CADPS2: variants seen among roughly 807,000 people sequenced by gnomAD.
The protein encoded by CADPS2 is calcium dependent secretion activator 2.
Under a neutral mutation model 172.5 loss-of-function variants are expected in CADPS2, and 93 were observed. That is an observed-to-expected ratio of 0.54 (90% CI 0.46 to 0.64). The LOEUF is 0.64. Among genes scored for constraint, CADPS2 ranks in the 30% least tolerant of loss-of-function variants. The pLI, the probability that CADPS2 is intolerant of heterozygous loss-of-function variation, is 0.00. For synonymous variants in CADPS2, 546 were observed against 555.2 expected (o/e 0.98, Z 0.23); for missense variants, 1,420 against 1,565.9 (o/e 0.91, Z 1.57).
rs1020118500 is a variant in CADPS2 at position 122,561,685 on chromosome 7, CA to C, written c.1336-6997del. 2.6e-5 allele frequency among the ~76,000 whole-genome samples: 4 copies of C among 152,170 alleles called. No homozygotes were observed. In the South Asian group the frequency reaches 8.3e-4, roughly 32 times the overall value. On this transcript the variant is annotated intron_variant, in intron 7 of 29. Transcript: ENST00000449022. Reference sequence around the variant, plus strand: ...GTCACTTAAATGAGTATCTTTAAGACATTTTTTTTCACCAGTTTTTTATTGA... The same window carrying C: ...GTCACTTAAATGAGTATCTTTAAGACTTTTTTTTCACCAGTTTTTTATTGA...
chr7:122,413,012 T>C (rs773459033), intron 19 of CADPS2: 1 of 152,288 alleles, frequency 6.6e-6, no homozygotes, highest in Non-Finnish European at 1.5e-5. Flanking sequence ...CAATGTGGTT[T>C]ATTGGAAAAT....
At chr7:122,545,254 G>A (rs973471589) in intron 8 of CADPS2, among the ~76,000 whole-genome samples, 14 of 152,130 alleles carry the variant, frequency 9.2e-5, no homozygotes, top group African/African-American at 2.2e-4. Context: ...TGCAGTTAGC[G>A]GAGAGTCTGC....
intron 1 of CADPS2, among the ~76,000 whole-genome samples, chr7:122,847,759 TCC>T (rs1191592704): frequency 2.6e-5 from 4 of 152,234 alleles, no homozygotes; most frequent in African/African-American, 4.8e-5. Context: ...TGGTTACTGC[TCC>T]GAACTCATAC....
At chr7:122,776,854 CAAT>C (rs1270611599) in intron 1 of CADPS2, among the ~76,000 whole-genome samples, 1 of 152,076 alleles carries the variant, frequency 6.6e-6, no homozygotes, top group Admixed American at 6.6e-5. Context: ...ACTCTAGCAA[CAAT>C]AATAACAAGA....
intron 3 of CADPS2, among the ~76,000 whole-genome samples, chr7:122,649,927 T>TTTTTTTTTTTA (rs2078971787): frequency 8.0e-6 from 1 of 124,940 alleles, no homozygotes; most frequent in Non-Finnish European, 1.8e-5. Flanking sequence ...TTTTTTTTTT[T>TTTTTTTTTTTA]GAGAGAGTCT....
At chr7:122,574,002 G>C (rs1232995195) in intron 7 of CADPS2, among the ~76,000 whole-genome samples, 1 of 151,946 alleles carries the variant, frequency 6.6e-6, no homozygotes, top group South Asian at 2.1e-4. Context: ...ACATTCTAAA[G>C]ACAAATCAAA....
At chr7:122,850,298 G>A (rs888675224) in intron 1 of CADPS2, 3 of 572,316 alleles carry the variant, frequency 5.2e-6, no homozygotes, top group Non-Finnish European at 5.7e-6. Flanking sequence ...CCTTTCAGGG[G>A]ATGAAGACTT....
At chr7:122,541,854 TA>T (rs1563649229) in intron 8 of CADPS2, among the ~76,000 whole-genome samples, 2 of 83,012 alleles carry the variant, frequency 2.4e-5, no homozygotes, top group African/African-American at 6.2e-5. Context: ...TATTCATATA[TA>T]TTTATATATA....
chr7:122,538,157 AG>A (rs2062512248), intron 8 of CADPS2, among the ~76,000 whole-genome samples: 1 of 148,968 alleles, frequency 6.7e-6, no homozygotes, highest in South Asian at 2.1e-4. Context: ...AAAAAAAAAA[AG>A]AGAAACAAAG....
At chr7:122,379,982 A>G (rs1002830696) in intron 24 of CADPS2, among the ~76,000 whole-genome samples, 9 of 152,158 alleles carry the variant, frequency 5.9e-5, no homozygotes, top group Admixed American at 5.9e-4. Context: ...CAAGGGCAAA[A>G]TTAGAATTTC....
intron 28 of CADPS2, among the ~76,000 whole-genome samples, chr7:122,326,210 T>C (rs1048746386): frequency 6.6e-6 from 1 of 152,078 alleles, no homozygotes; most frequent in Non-Finnish European, 1.5e-5. Flanking sequence ...ATTATCAAGA[T>C]TGAATTTTTG....
chr7:122,534,319 C>T (rs1410679790), intron 8 of CADPS2, among the ~76,000 whole-genome samples: 6 of 152,026 alleles, frequency 3.9e-5, no homozygotes, highest in Non-Finnish European at 8.8e-5. Context: ...TCAAAATAGG[C>T]TAAGCTTTTA....
chr7:122,656,869 A>G (rs1388440524), intron 3 of CADPS2, among the ~76,000 whole-genome samples: 1 of 152,324 alleles, frequency 6.6e-6, no homozygotes, highest in South Asian at 2.1e-4. Context: ...TGTTTTAGAC[A>G]TGAAGTCCTT....
intron 3 of CADPS2, among the ~76,000 whole-genome samples, chr7:122,645,385 ATGTG>A (rs145101205): frequency 6.0e-4 from 22 of 36,868 alleles, no homozygotes; most frequent in African/African-American, 1.7e-3. Flanking sequence ...ACATATGTAC[ATGTG>A]TGTGTATATA....
chr7:122,811,111 C>T (rs868863311), intron 1 of CADPS2, among the ~76,000 whole-genome samples: 15 of 152,268 alleles, frequency 9.9e-5, no homozygotes, highest in Middle Eastern at 6.8e-3. Context: ...CTATTTTTAA[C>T]TTTGACAAGA....
chr7:122,800,180 G>A (rs572236276), intron 1 of CADPS2, among the ~76,000 whole-genome samples: 17 of 152,098 alleles, frequency 1.1e-4, no homozygotes, highest in South Asian at 1.0e-3. Flanking sequence ...AAACATCCAC[G>A]GTTATAATAC....
chr7:122,403,277 G>A (rs942778502), intron 20 of CADPS2, among the ~76,000 whole-genome samples: 1 of 152,156 alleles, frequency 6.6e-6, no homozygotes, highest in Non-Finnish European at 1.5e-5. Context: ...CAGTTCCCCA[G>A]ATCACACCAC....
intron 3 of CADPS2, among the ~76,000 whole-genome samples, chr7:122,643,500 T>G (rs2134596073): frequency 6.6e-6 from 1 of 152,308 alleles, no homozygotes; most frequent in East Asian, 1.9e-4. Flanking sequence ...CAGCTGGGCC[T>G]CTCGCTTTGA....
chr7:122,882,908 T>C (rs1823320429), intron 1 of CADPS2, among the ~76,000 whole-genome samples: 1 of 152,142 alleles, frequency 6.6e-6, no homozygotes, highest in African/African-American at 2.4e-5. Context: ...TGTGAACCCC[T>C]GGATATGTTC....
Sources: gnomAD v4.1 joint callset for allele counts (sites outside exome capture counted in the v4.1 genomes callset) on GRCh38, gnomAD v4.1.1 for gene constraint, MANE v1.5 for transcripts, NCBI Gene and HGNC (gene_info 2026-07-23, HGNC 2026-07-21) for gene names.